SESN1: variants seen among roughly 807,000 people sequenced by gnomAD.
SESN1 encodes the protein sestrin 1, also known as sestrin-1.
SESN1 carries 30 observed loss-of-function variants against 59.3 expected under a neutral mutation model. The observed-to-expected ratio is 0.51, with a 90% confidence interval of 0.38 to 0.69. The LOEUF is 0.69. Ranked by LOEUF, SESN1 falls within the 30% of genes least tolerant of loss-of-function variation. The pLI is 0.00. For synonymous variants in SESN1, 197 were observed against 219.9 expected (o/e 0.90, Z 0.92); for missense variants, 566 against 673.0 (o/e 0.84, Z 1.76).
chr6:109,091,507 T>C (rs148902456), intron 1 of SESN1, among the ~76,000 whole-genome samples: 4 of 152,294 alleles, frequency 2.6e-5, no homozygotes, highest in African/African-American at 9.6e-5. Context: ...ATTGCATTAC[T>C]TTCAGCTCCT....
intron 1 of SESN1, among the ~76,000 whole-genome samples, chr6:109,051,308 T>A (rs1269390059): frequency 6.6e-6 from 1 of 150,896 alleles, no homozygotes; most frequent in African/African-American, 2.4e-5. Flanking sequence ...AAAAATTATT[T>A]ACCAAACATT....
chr6:109,010,845 C>G (rs1779846310), intron 1 of SESN1, among the ~76,000 whole-genome samples: 1 of 152,192 alleles, frequency 6.6e-6, no homozygotes, highest in Admixed American at 6.5e-5. Context: ...AATGCCCACT[C>G]AGCCGTAAGC....
intron 1 of SESN1, among the ~76,000 whole-genome samples, chr6:109,048,703 T>C (rs1320395830): frequency 1.3e-5 from 2 of 152,220 alleles, no homozygotes; most frequent in African/African-American, 4.8e-5. Context: ...ATGCTTATTT[T>C]TAACCTAAAA....
chr6:108,994,078 T>G (rs7764330), intron 6 of SESN1, among the ~76,000 whole-genome samples: 5,537 of 148,090 alleles, frequency 0.037, 169 homozygotes, highest in African/African-American at 0.081. Flanking sequence ...AGTCTCAGGT[T>G]ACAGTGAGCT....
Position 108,987,328 on chromosome 6 carries a change from C to A in SESN1, c.*216G>T. On this transcript the variant is annotated 3_prime_UTR_variant, in exon 10 of 10. Coordinates refer to ENST00000436639, the MANE Select transcript of SESN1 (RefSeq NM_014454.3). ...TCAAAAAGCAAAATACTGTGAATGG[C>A]AGCCTGTCTTCACAGCTCTAAACTT... 2.2e-6 allele frequency: 1 copy of A among 451,926 alleles called. No individual in the cohort carries two copies. Among genetic ancestry groups the A allele is most frequent in the Admixed American group, 4.0e-5 (1 of 24,858 alleles). The allele number at this position is 451,926 out of a possible 1,614,324, so 28.0% of individuals were successfully genotyped here.
intron 1 of SESN1, among the ~76,000 whole-genome samples, chr6:109,060,346 C>A (rs1177362599): frequency 6.6e-6 from 1 of 152,166 alleles, no homozygotes; most frequent in African/African-American, 2.4e-5. Flanking sequence ...CAGATCCCAT[C>A]TTTTGCTTAA....
intron 6 of SESN1, 95 bp from the exon 7 acceptor site, chr6:108,992,994 G>T: frequency 1.4e-6 from 1 of 723,840 alleles, no homozygotes; most frequent in South Asian, 1.7e-5. Context: ...CTCTTTCTCT[G>T]ATACTGAGTG....
intron 1 of SESN1, among the ~76,000 whole-genome samples, chr6:109,020,599 C>A (rs1779995359): frequency 6.6e-6 from 1 of 152,084 alleles, no homozygotes; most frequent in Non-Finnish European, 1.5e-5. Flanking sequence ...ATTTTTTCCT[C>A]TTTATTTCTA....
At chr6:109,048,302 G>A (rs1780484874) in intron 1 of SESN1, among the ~76,000 whole-genome samples, 1 of 152,100 alleles carries the variant, frequency 6.6e-6, no homozygotes, top group Admixed American at 6.6e-5. Context: ...AATAGTTTGA[G>A]GAGCCACCTT....
chr6:109,040,940 C>T (rs1346091124), intron 1 of SESN1, among the ~76,000 whole-genome samples: 1 of 151,934 alleles, frequency 6.6e-6, no homozygotes, highest in East Asian at 2.0e-4. Flanking sequence ...GCGTGAGCCA[C>T]CGCACCTGGC....
chr6:109,032,730 T>C (rs149340342), intron 1 of SESN1, among the ~76,000 whole-genome samples: 329 of 152,168 alleles, frequency 2.2e-3, no homozygotes, highest in Admixed American at 4.5e-3. Context: ...GTGAAGGAGA[T>C]ATTCCAAGCC....
At chr6:109,011,761 T>G (rs1210890593) in intron 1 of SESN1, among the ~76,000 whole-genome samples, 2 of 151,904 alleles carry the variant, frequency 1.3e-5, no homozygotes, top group Non-Finnish European at 2.9e-5. Context: ...CCTGAGTAGC[T>G]GGCACTACAG....
At chr6:109,010,862 AAAAAC>A (rs1779846540) in intron 1 of SESN1, among the ~76,000 whole-genome samples, 1 of 152,252 alleles carries the variant, frequency 6.6e-6, no homozygotes, top group Non-Finnish European at 1.5e-5. Context: ...AAGCAAATAC[AAAAAC>A]AAAACAAACC....
At chr6:109,061,863 G>A (rs1477006039) in intron 1 of SESN1, among the ~76,000 whole-genome samples, 2 of 152,150 alleles carry the variant, frequency 1.3e-5, no homozygotes, top group African/African-American at 4.8e-5. Context: ...TGCCTAATGA[G>A]TGATGAAAAA....
intron 1 of SESN1, chr6:109,088,336 T>C (rs550958518): frequency 2.6e-5 from 4 of 152,156 alleles, no homozygotes; most frequent in South Asian, 2.1e-4. Context: ...TCCAGACTTA[T>C]TATGTGAAAT....
intron 1 of SESN1, among the ~76,000 whole-genome samples, chr6:109,081,957 A>G (rs1781128772): frequency 6.6e-6 from 1 of 152,206 alleles, no homozygotes; most frequent in South Asian, 2.1e-4. Flanking sequence ...TCTGTAGTAG[A>G]TAACTTGCTT....
At chr6:109,079,673 C>T (rs983018239) in intron 1 of SESN1, among the ~76,000 whole-genome samples, 5 of 152,112 alleles carry the variant, frequency 3.3e-5, no homozygotes, top group Admixed American at 6.6e-5. Flanking sequence ...AATTTCTGAA[C>T]ATTATATAAC....
intron 1 of SESN1, among the ~76,000 whole-genome samples, chr6:109,023,232 C>G (rs1780038945): frequency 6.6e-6 from 1 of 152,180 alleles, no homozygotes; most frequent in Non-Finnish European, 1.5e-5. Flanking sequence ...TTATGGTTCC[C>G]CTTTGAAACT....
chr6:109,065,862 G>A (rs1780816383), intron 1 of SESN1, among the ~76,000 whole-genome samples: 1 of 151,720 alleles, frequency 6.6e-6, no homozygotes, highest in East Asian at 1.9e-4. Flanking sequence ...TATAATAGAA[G>A]ATACTATCTA....
Sources: allele counts gnomAD v4.1 joint callset (sites outside exome capture counted in the v4.1 genomes callset), GRCh38; gene constraint gnomAD v4.1.1; transcripts MANE v1.5; gene names NCBI Gene and HGNC (gene_info 2026-07-23, HGNC 2026-07-21).